The following TTPA variants were observed in gnomAD, a reference collection of about 807,000 sequenced individuals.
The protein encoded by TTPA is alpha-tocopherol transfer protein.
In TTPA, 23 loss-of-function variants were observed where a neutral mutation model predicts 25.9. The observed-to-expected ratio is 0.89, with a 90% confidence interval of 0.64 to 1.26. The LOEUF (loss-of-function observed/expected upper bound fraction) is 1.26. Ranked by LOEUF, TTPA falls within the 50% of genes most tolerant of loss-of-function variation. TTPA has a pLI of 0.00. For synonymous variants in TTPA, 148 were observed against 137.3 expected, an observed-to-expected ratio of 1.08 and a Z score of -0.54; for missense variants, 337 against 353.1, an observed-to-expected ratio of 0.95 and a Z score of 0.37.
At chr8:63,081,310 A>G (rs1194807101) in intron 1 of TTPA, among the ~76,000 whole-genome samples, 1 of 152,218 alleles carries the variant, frequency 6.6e-6, no homozygotes, top group African/African-American at 2.4e-5. Flanking sequence ...AGTTGGCTTC[A>G]TCCCTGGAAT....
At chr8:63,065,645 T>TA (rs1805377356) in intron 3 of TTPA, among the ~76,000 whole-genome samples, 2 of 152,300 alleles carry the variant, frequency 1.3e-5, no homozygotes, top group African/African-American at 4.8e-5. Flanking sequence ...GACAAAAAGA[T>TA]AAAGTCACCA....
At chr8:63,083,309 A>T (rs1805693448) in intron 1 of TTPA, among the ~76,000 whole-genome samples, 1 of 152,258 alleles carries the variant, frequency 6.6e-6, no homozygotes, top group Non-Finnish European at 1.5e-5. Flanking sequence ...ATGCAGCCAT[A>T]AAGAAGGATG....
At position 63,064,281 on chromosome 8, in the gene TTPA, C is replaced by T. The variant is rs780881541; in HGVS notation, c.588G>A (p.Leu196=). 3 of 1,612,842 alleles carry T rather than the reference C, an allele frequency of 1.9e-6. No homozygotes were observed. Among genetic ancestry groups the T allele is most frequent in the Non-Finnish European group, 2.5e-6 (3 of 1,179,292 alleles). Residue 196 remains leucine (L), a synonymous_variant, in exon 4 of 5, where the codon TTG becomes TTA. Transcript: ENST00000260116. ...SFPLKVRGIH[L]INEPVIFHAV... is the part of the protein sequence containing the mutation. Reference sequence around the variant, plus strand: ...CATGGAAAATTACTGGTTCATTTATCAAATGGATGCCACGAACTTTCAATG... The same window carrying T: ...CATGGAAAATTACTGGTTCATTTATTAAATGGATGCCACGAACTTTCAATG...
chr8:63,066,155 CA>C, intron 2 of TTPA, 58 bp from the exon 3 acceptor site: 1 of 1,456,386 alleles, frequency 6.9e-7, no homozygotes, highest in Non-Finnish European at 9.5e-7. Flanking sequence ...GAAAGATTTC[CA>C]AAGGGAGACT....
At chr8:63,059,453 T>G (rs1805265550), downstream of TTPA, among the ~76,000 whole-genome samples, 1 of 152,176 alleles carries the variant, frequency 6.6e-6, no homozygotes, top group Non-Finnish European at 1.5e-5. Flanking sequence ...GATATATGTA[T>G]AATCCTAAGT....
intron 2 of TTPA, among the ~76,000 whole-genome samples, chr8:63,067,150 A>G (rs1457231140): frequency 2.0e-5 from 3 of 152,200 alleles, no homozygotes; most frequent in Non-Finnish European, 4.4e-5. Context: ...TATTATTAAA[A>G]AGACTCCATT....
At position 63,059,605 on chromosome 8, in the gene TTPA, T is replaced by C. The variant is rs1209708651; in HGVS notation, c.*1647A>G. Among the ~76,000 whole-genome samples, 1 of 152,106 alleles carries C rather than the reference T, an allele frequency of 6.6e-6. No homozygotes were observed. Among genetic ancestry groups the C allele is most frequent in the Non-Finnish European group, 1.5e-5 (1 of 68,016 alleles). On this transcript the variant is annotated 3_prime_UTR_variant, in exon 5 of 5. Transcript: ENST00000260116. ...TGTTCAACAGATTTTGGACCCCATA[T>C]TCTACATTTTCAAGTTTATAACAAA...
chr8:63,082,458 G>T (rs1282539964), intron 1 of TTPA, among the ~76,000 whole-genome samples: 3 of 152,124 alleles, frequency 2.0e-5, no homozygotes, highest in Non-Finnish European at 2.9e-5. Flanking sequence ...GCTGAAACTG[G>T]ATCCCTTCCT....
chr8:63,073,184 C>T, intron 1 of TTPA, 96 bp from the exon 2 acceptor site: 1 of 1,008,404 alleles, frequency 9.9e-7, no homozygotes, highest in Non-Finnish European at 1.5e-6. Flanking sequence ...TAAACTTTGC[C>T]ATCCATTATG....
chr8:63,071,439 G>A (rs1805481232), intron 2 of TTPA, among the ~76,000 whole-genome samples: 1 of 152,090 alleles, frequency 6.6e-6, no homozygotes, highest in East Asian at 1.9e-4. Context: ...AAAAAATTCT[G>A]GTCATGAAAT....
At chr8:63,080,737 AAATAAT>A (rs762272028) in intron 1 of TTPA, among the ~76,000 whole-genome samples, 15 of 132,826 alleles carry the variant, frequency 1.1e-4, no homozygotes, top group African/African-American at 3.9e-4. Context: ...AAAAAAAAAT[AAATAAT>A]AATAATAATA....
chr8:63,064,192 T>G lies in TTPA; in HGVS notation c.663+14A>C. 1.3e-6 allele frequency: 2 copies of G among 1,574,522 alleles called. No homozygotes were observed. Among genetic ancestry groups the G allele is most frequent in the Non-Finnish European group, 1.7e-6 (2 of 1,145,514 alleles). On this transcript the variant is annotated intron_variant, in intron 4 of 4. Coordinates refer to ENST00000260116, the MANE Select transcript of TTPA (RefSeq NM_000370.3). ...TGGTGTAGAGGAACACAGACTTGAA[T>G]ATATTTTACTCACCCGTTCCTTAAT...
downstream of TTPA, among the ~76,000 whole-genome samples, chr8:63,059,217 A>G (rs1056862669): frequency 3.4e-5 from 5 of 146,318 alleles, no homozygotes; most frequent in Non-Finnish European, 6.0e-5. Flanking sequence ...TATTTTTAGT[A>G]GAGACGGGGT....
At position 63,060,341 on chromosome 8, in the gene TTPA, G is replaced by A. The variant is rs1439409810; in HGVS notation, c.*911C>T. On this transcript the variant is annotated 3_prime_UTR_variant, in exon 5 of 5. Transcript: ENST00000260116. ...CTGACGTATTTTCTAAATTATTTTT[G>A]TTAATCAATTACATCAACATGATTT... The A allele has an allele frequency of 1.3e-5, 2 of 152,124 alleles. No homozygotes were observed. The highest frequency in any genetic ancestry group is 6.6e-5 in the Admixed American group (1 of 15,262). The allele number at this position is 152,124 out of a possible 1,614,324, so 9.4% of individuals were successfully genotyped here.
In TTPA at chr8:63,073,078, T is replaced by A. The variant is rs1415425329; in HGVS notation, c.215A>T (p.Asn72Ile). Residue 72 changes from asparagine to isoleucine, a missense_variant, in exon 2 of 5, where the codon AAC becomes ATC. Coordinates refer to ENST00000260116, the MANE Select transcript of TTPA (RefSeq NM_000370.3). ...ACATTCTGCTCTCCACTTATAATAG[T>A]TTTTTAGTAACTGAAAAATAAAATT... The part of the protein sequence containing the change: ...DLDLAWRLLK[N>I]YYKWRAECPE... 3.1e-6 allele frequency: 5 copies of A among 1,609,840 alleles called. No individual in the cohort carries two copies. The highest frequency in any genetic ancestry group is 4.2e-6 in the Non-Finnish European group (5 of 1,176,860).
chr8:63,079,104 G>A (rs1805618276), intron 1 of TTPA, among the ~76,000 whole-genome samples: 1 of 152,106 alleles, frequency 6.6e-6, no homozygotes, highest in Admixed American at 6.5e-5. Flanking sequence ...CATAAGTGAA[G>A]GAGAAATAAA....
At chr8:63,066,990 G>C (rs1805401543) in intron 2 of TTPA, among the ~76,000 whole-genome samples, 1 of 151,782 alleles carries the variant, frequency 6.6e-6, no homozygotes, top group African/African-American at 2.4e-5. Flanking sequence ...TGGGGGGAGG[G>C]GGAACACTGA....
chr8:63,078,270 G>A (rs1462615817), intron 1 of TTPA, among the ~76,000 whole-genome samples: 3 of 152,154 alleles, frequency 2.0e-5, no homozygotes, highest in Non-Finnish European at 4.4e-5. Context: ...AAACCAGAGC[G>A]CCTCTTCTCC....
chr8:63,062,709 T>C (rs1805327463), intron 4 of TTPA, among the ~76,000 whole-genome samples: 1 of 152,232 alleles, frequency 6.6e-6, no homozygotes, highest in South Asian at 2.1e-4. Flanking sequence ...ATCCTTCCCC[T>C]AACTTCTCAA....
Sources: allele counts gnomAD v4.1 joint callset (sites outside exome capture counted in the v4.1 genomes callset), GRCh38; gene constraint gnomAD v4.1.1; transcripts MANE v1.5; gene names NCBI Gene and HGNC (gene_info 2026-07-23, HGNC 2026-07-21).